Variants in IQCM observed in about 807,000 individuals in gnomAD.
IQCM encodes the protein IQ domain-containing protein M.
IQCM carries 45 observed loss-of-function variants against 57.6 expected under a neutral mutation model. The ratio of observed to expected loss-of-function variants is 0.78; its 90% CI spans 0.62 to 1.00. The LOEUF (loss-of-function observed/expected upper bound fraction) is 1.00. IQCM is among the 50% of genes least tolerant of loss of function. The pLI is 0.00. For missense variants in IQCM, 468 were observed against 511.6 expected (o/e 0.91, Z 0.82); for synonymous variants, 148 against 158.9 (o/e 0.93, Z 0.51).
chr4:149,668,658 A>G (rs1760961755), intron 7 of IQCM, among the ~76,000 whole-genome samples: 1 of 152,202 alleles, frequency 6.6e-6, no homozygotes, highest in Admixed American at 6.5e-5. Flanking sequence ...AAGTATAATA[A>G]TTAAATAAAA....
chr4:149,414,871 A>T (rs1473353964), intron 13 of IQCM, among the ~76,000 whole-genome samples: 3 of 152,108 alleles, frequency 2.0e-5, no homozygotes, highest in African/African-American at 7.2e-5. Context: ...GATAAGTCAC[A>T]GAGAAAAAAT....
chr4:149,657,547 T>C (rs1054909204), intron 7 of IQCM, among the ~76,000 whole-genome samples: 5 of 152,132 alleles, frequency 3.3e-5, no homozygotes, highest in African/African-American at 9.7e-5. Flanking sequence ...TGCTGGATCA[T>C]GTCAGGTCTA....
At chr4:149,742,628 C>G (rs1230074352) in intron 3 of IQCM, 27 bp downstream of exon 3, 2 of 1,215,920 alleles carry the variant, frequency 1.6e-6, no homozygotes, top group Non-Finnish European at 2.1e-6. Context: ...ATGACTTGTA[C>G]TATGTTAGGT....
chr4:149,796,416 T>G lies in IQCM; in HGVS notation c.-49+18895A>C, dbSNP rs1000123245. Among the ~76,000 whole-genome samples the G allele has an allele frequency of 2.0e-5, 3 of 152,152 alleles. 1 individual carries two copies. The highest frequency in any genetic ancestry group is 7.2e-5 in the African/African-American group (3 of 41,438). On this transcript the variant is annotated intron_variant, in intron 2 of 13. Coordinates refer to ENST00000636793, the MANE Select transcript of IQCM (RefSeq NM_001363507.2). ...CAGTACAGTAGAATACCAGGTAGAC[T>G]TCTAAGGTTTTTGACTGTAATCCCT...
chr4:149,357,667 T>C (rs944357654), intron 13 of IQCM, among the ~76,000 whole-genome samples: 1 of 152,340 alleles, frequency 6.6e-6, no homozygotes, highest in African/African-American at 2.4e-5. Context: ...TCGAGGATTT[T>C]TGCACCAATG....
intron 13 of IQCM, among the ~76,000 whole-genome samples, chr4:149,389,276 T>C (rs1731669675): frequency 6.6e-6 from 1 of 152,002 alleles, no homozygotes; most frequent in Non-Finnish European, 1.5e-5. Context: ...TGTGGCAACC[T>C]TATAAAAATT....
chr4:149,778,887 C>A (rs149290317), intron 2 of IQCM, among the ~76,000 whole-genome samples: 35 of 152,042 alleles, frequency 2.3e-4, no homozygotes, highest in Admixed American at 2.3e-3. Flanking sequence ...CAGACCTAGA[C>A]GGTTTCACTG....
In IQCM at chr4:149,752,550, T is replaced by TAAA. The variant is rs35458090; in HGVS notation, c.-48-9814_-48-9812dup. Among the ~76,000 whole-genome samples, 111 of 141,244 alleles carry TAAA rather than the reference T, an allele frequency of 7.9e-4. 2 individuals are homozygous for TAAA. The highest frequency in any genetic ancestry group is 1.6e-3 in the South Asian group (7 of 4,372). 92.7% of individuals were successfully genotyped at this position (141,244 alleles called of 152,430 possible). ...CTGGTAACAGAATGAGACTCTGTCT[T>TAAA]AAAAAAAAAAAAAAAAATGGCTGAA... On this transcript the variant is annotated intron_variant, in intron 2 of 13. Transcript: ENST00000636793.
At chr4:149,571,469 A>T (rs547666090) in intron 9 of IQCM, among the ~76,000 whole-genome samples, 1 of 152,234 alleles carries the variant, frequency 6.6e-6, no homozygotes, top group South Asian at 2.1e-4. Flanking sequence ...AAATGGTGGC[A>T]AAAAGAGCTG....
chr4:149,621,580 T>C (rs1756341163), intron 7 of IQCM, among the ~76,000 whole-genome samples: 2 of 152,208 alleles, frequency 1.3e-5, no homozygotes, highest in Admixed American at 1.3e-4. Flanking sequence ...AGGAAAATCA[T>C]GTTTGCGAAT....
chr4:149,522,680 A>G (rs528158644), intron 12 of IQCM, among the ~76,000 whole-genome samples: 3 of 152,218 alleles, frequency 2.0e-5, no homozygotes, highest in African/African-American at 2.4e-5. Context: ...ATATCAACAG[A>G]TCCAAAAAAT....
At chr4:149,544,693 G>A (rs1179044994) in intron 12 of IQCM, among the ~76,000 whole-genome samples, 8 of 151,980 alleles carry the variant, frequency 5.3e-5, no homozygotes, top group South Asian at 2.1e-4. Context: ...GCATAAAAAC[G>A]GACAAATAGA....
chr4:149,706,158 A>C (rs546679382), intron 5 of IQCM, among the ~76,000 whole-genome samples: 45 of 152,136 alleles, frequency 3.0e-4, no homozygotes, highest in African/African-American at 9.9e-4. Flanking sequence ...AATTCGTGTG[A>C]CAAACTAGCT....
intron 11 of IQCM, among the ~76,000 whole-genome samples, chr4:149,552,713 A>T (rs559559939): frequency 1.3e-5 from 2 of 152,202 alleles, no homozygotes; most frequent in Non-Finnish European, 2.9e-5. Context: ...TTTATGATTC[A>T]AGCTATATGT....
chr4:149,659,799 T>A (rs1017715049), intron 7 of IQCM, among the ~76,000 whole-genome samples: 15 of 151,702 alleles, frequency 9.9e-5, no homozygotes, highest in Non-Finnish European at 1.6e-4. Context: ...TGAAACTGGA[T>A]CCCTTCCTTA....
At position 149,613,580 on chromosome 4, in the gene IQCM, T is replaced by A. The variant is rs549163256; in HGVS notation, c.681+7549A>T. ...AAATTCCTGTTTTCACTTTTTTTTT[T>A]AATTATACTTTAAGTTTTAGGGTAC... On this transcript the variant is annotated intron_variant, in intron 8 of 13. Transcript: ENST00000636793. Among the ~76,000 whole-genome samples, 12 of 152,244 alleles carry A rather than the reference T, an allele frequency of 7.9e-5. No individual in the cohort carries two copies. The South Asian group carries it at 1.0e-3, about 13-fold the overall frequency.
intron 12 of IQCM, among the ~76,000 whole-genome samples, chr4:149,532,658 C>T (rs1018154174): frequency 5.9e-5 from 9 of 151,986 alleles, no homozygotes; most frequent in Admixed American, 5.9e-4. Flanking sequence ...GAAAGATTTT[C>T]CTTTCATGTT....
chr4:149,427,519 G>A (rs1734546086), intron 13 of IQCM, among the ~76,000 whole-genome samples: 1 of 151,902 alleles, frequency 6.6e-6, no homozygotes, highest in Non-Finnish European at 1.5e-5. Flanking sequence ...TATCATTGAA[G>A]TTTAAGGAAA....
At chr4:149,540,381 C>T (rs1360808592) in intron 12 of IQCM, among the ~76,000 whole-genome samples, 1 of 151,090 alleles carries the variant, frequency 6.6e-6, no homozygotes, top group South Asian at 2.1e-4. Context: ...ACCCCACAAG[C>T]TATGTCACTA....
Sources: gnomAD v4.1 joint callset for allele counts (sites outside exome capture counted in the v4.1 genomes callset) on GRCh38, gnomAD v4.1.1 for gene constraint, MANE v1.5 for transcripts, NCBI Gene and HGNC (gene_info 2026-07-23, HGNC 2026-07-21) for gene names.